TAAR1: variants seen among roughly 807,000 people sequenced by gnomAD.
TAAR1 encodes trace amine associated receptor 1.
TAAR1 carries 1 observed loss-of-function variant against 1.2 expected under a neutral mutation model. That is an observed-to-expected ratio of 0.81 (90% CI 0.29 to 3.86). The LOEUF is 3.86. TAAR1 is among the 30% of genes most tolerant of loss of function. The pLI is 0.18. For missense variants in TAAR1, 445 were observed against 405.6 expected (o/e 1.10, Z -0.83); for synonymous variants, 153 against 132.2 (o/e 1.16, Z -1.08).
chr6:132,648,584 T>G (rs994379633), intron 1 of TAAR1, among the ~76,000 whole-genome samples: 1 of 152,200 alleles, frequency 6.6e-6, no homozygotes, highest in African/African-American at 2.4e-5. Context: ...AAATTGTTGA[T>G]AGTATGAATG....
rs61478661 is a variant in TAAR1 at position 132,644,612 on chromosome 6, G to A, written c.*372C>T. The stretch of plus-strand genomic sequence containing the variant: ...ACATATGTGACCAGGACATGTATAC[G>A]TATATGACAAAATCATTCTGATTTG... On this transcript the variant is annotated 3_prime_UTR_variant, in exon 2 of 2. Coordinates refer to ENST00000275216, the MANE Select transcript of TAAR1 (RefSeq NM_138327.4). Among the ~76,000 whole-genome samples, 13,511 of 151,954 alleles carry A rather than the reference G, an allele frequency of 0.089. 662 individuals are homozygous for A. Among genetic ancestry groups the A allele is most frequent in the Middle Eastern group, 0.19 (55 of 292 alleles).
chr6:132,654,531 A>G (rs1247075519), intron 1 of TAAR1, among the ~76,000 whole-genome samples: 2 of 152,242 alleles, frequency 1.3e-5, no homozygotes, highest in East Asian at 3.8e-4. Flanking sequence ...TCTCAGGAAC[A>G]CTGTATCTTT....
chr6:132,650,256 C>T (rs928287372), intron 1 of TAAR1, among the ~76,000 whole-genome samples: 3 of 152,186 alleles, frequency 2.0e-5, no homozygotes, highest in African/African-American at 7.2e-5. Context: ...CACCTTTCCA[C>T]TGTCCTTCAT....
Position 132,645,158 on chromosome 6 carries a change from T to C in TAAR1, c.846A>G (p.Pro282=). 1 of 1,612,566 alleles carries C rather than the reference T, an allele frequency of 6.2e-7. No homozygotes were observed. The highest frequency in any genetic ancestry group is 8.5e-7 in the Non-Finnish European group (1 of 1,179,470). The change falls in exon 2 of 2, where the codon CCA becomes CCG. Residue 282 remains proline (P), a synonymous_variant. Coordinates refer to ENST00000275216, the MANE Select transcript of TAAR1 (RefSeq NM_138327.4). ...AAATCAATACATCATTCAAAGTAGGTGGAATAATGTAGTGAAGAAAAGGGT... is the reference window on the plus strand; with the variant it reads ...AAATCAATACATCATTCAAAGTAGGCGGAATAATGTAGTGAAGAAAAGGGT... The part of the protein sequence containing the change: ...VMDPFLHYII[P]PTLNDVLIWF...
In TAAR1 at chr6:132,643,959, A is replaced by G. The variant is rs1011612298; in HGVS notation, c.*1025T>C. 6.6e-6 allele frequency among the ~76,000 whole-genome samples: 1 copy of G among 151,966 alleles called. No homozygotes were observed. The highest frequency in any genetic ancestry group is 2.4e-5 in the African/African-American group (1 of 41,428). Reference sequence around the variant, plus strand: ...TTCTGTGTATTGTGGAGCCCAGCAAAGTGAATTTGTTTAATACCAGGTAGC... The same window carrying G: ...TTCTGTGTATTGTGGAGCCCAGCAAGGTGAATTTGTTTAATACCAGGTAGC... On this transcript the variant is annotated 3_prime_UTR_variant, in exon 2 of 2. Transcript: ENST00000275216.
intron 1 of TAAR1, among the ~76,000 whole-genome samples, chr6:132,647,304 T>C (rs1350759044): frequency 6.6e-6 from 1 of 151,728 alleles, no homozygotes; most frequent in Non-Finnish European, 1.5e-5. Flanking sequence ...TGTTTCTATA[T>C]GACCCTGTAA....
chr6:132,653,056 C>G (rs76803831), intron 1 of TAAR1, among the ~76,000 whole-genome samples: 1 of 152,164 alleles, frequency 6.6e-6, no homozygotes, highest in African/African-American at 2.4e-5. Context: ...CTAGGGGAGG[C>G]GGCAGTTGTG....
intron 1 of TAAR1, among the ~76,000 whole-genome samples, chr6:132,654,965 C>A (rs1344118420): frequency 6.6e-6 from 1 of 152,164 alleles, no homozygotes; most frequent in Non-Finnish European, 1.5e-5. Flanking sequence ...GTAAATAGAT[C>A]TGCAGGTGAG....
intron 1 of TAAR1, among the ~76,000 whole-genome samples, chr6:132,647,552 A>AAAAG (rs201430781): frequency 0.058 from 7,926 of 135,688 alleles, 327 homozygotes; most frequent in East Asian, 0.12. Flanking sequence ...GAAGAAAGAA[A>AAAAG]AAAGAAAGGA....
In TAAR1 at chr6:132,645,078, G is replaced by A; in HGVS notation, c.926C>T (p.Pro309Leu). The A allele has an allele frequency of 6.2e-7, 1 of 1,610,940 alleles. No homozygotes were observed. Among genetic ancestry groups the A allele is most frequent in the Non-Finnish European group, 8.5e-7 (1 of 1,179,062 alleles). ...FNPMVYAFFY[P>L]WFRKALKMML... ...CATCTTCAGTGCTTTTCTAAACCAAGGATAGAAAAATGCATAAACCATTGG... is the reference window on the plus strand; with the variant it reads ...CATCTTCAGTGCTTTTCTAAACCAAAGATAGAAAAATGCATAAACCATTGG... The change falls in exon 2 of 2, where the codon CCT (proline) becomes CTT (leucine). Residue 309 changes from proline (P) to leucine (L), a missense_variant. Coordinates refer to ENST00000275216, the MANE Select transcript of TAAR1 (RefSeq NM_138327.4).
At chr6:132,649,550 T>G (rs566691474) in intron 1 of TAAR1, among the ~76,000 whole-genome samples, 37 of 152,120 alleles carry the variant, frequency 2.4e-4, no homozygotes, top group African/African-American at 8.4e-4. Flanking sequence ...AGGAAAGAGG[T>G]TTAATTGACT....
At chr6:132,647,634 AAGAAAG>A in intron 1 of TAAR1, among the ~76,000 whole-genome samples, 1 of 109,568 alleles carries the variant, frequency 9.1e-6, no homozygotes, top group South Asian at 2.7e-4. Context: ...GAAAGAAAGA[AAGAAAG>A]AAAGAAAGAA....
chr6:132,645,945 T>C lies in TAAR1; in HGVS notation c.59A>G (p.Asn20Ser), dbSNP rs780149136. The C allele has an allele frequency of 3.1e-6, 5 of 1,611,806 alleles. No homozygotes were observed. Among genetic ancestry groups the C allele is most frequent in the Non-Finnish European group, 3.4e-6 (4 of 1,178,614 alleles). ...ACTGTACAGGGAAGCACGGACATCA[T>C]TTGACCAGTTGTTTTTCACACAGGA... ...NISCVKNNWS[N>S]DVRASLYSLM... is the part of the protein sequence containing the mutation. Residue 20 changes from asparagine (N) to serine (S), a missense_variant, in exon 2 of 2, where the codon AAT becomes AGT. Asn to Ser is a conservative substitution (Grantham distance 46). Transcript: ENST00000275216.
In TAAR1 at chr6:132,645,289, T is replaced by G; in HGVS notation, c.715A>C (p.Asn239His). ...QKLQIGLEMK[N>H]GISQSKERKA... ...CTTTCTTTGCTTTGTGAAATTCCAT[T>G]TTTCATTTCCAATCCAATTTGGAGC... Residue 239 changes from asparagine (N) to histidine (H), a missense_variant, in exon 2 of 2, where the codon AAT (asparagine) becomes CAT (histidine). Physicochemically the swap from Asn to His is moderately conservative, Grantham distance 68. Transcript: ENST00000275216. 1 of 1,613,726 alleles carries G rather than the reference T, an allele frequency of 6.2e-7. No homozygotes were observed. The highest frequency in any genetic ancestry group is 2.2e-5 in the East Asian group (1 of 44,858).
intron 1 of TAAR1, among the ~76,000 whole-genome samples, chr6:132,648,413 C>T (rs1239822221): frequency 6.6e-6 from 1 of 152,172 alleles, no homozygotes; most frequent in Non-Finnish European, 1.5e-5. Flanking sequence ...ATACAAATTT[C>T]ACTTTTAGAA....
chr6:132,644,145 G>C lies in TAAR1; in HGVS notation c.*839C>G, dbSNP rs1312076396. Among the ~76,000 whole-genome samples the C allele has an allele frequency of 6.6e-6, 1 of 151,832 alleles. No individual in the cohort carries two copies. Among genetic ancestry groups the C allele is most frequent in the African/African-American group, 2.4e-5 (1 of 41,380 alleles). On this transcript the variant is annotated 3_prime_UTR_variant, in exon 2 of 2. Transcript: ENST00000275216. ...CAACTGGAATTAACAATAGGGAATG[G>C]TTAAAAATATATTTGTACATCTGTG...
rs756203451 is a variant in TAAR1 at position 132,645,191 on chromosome 6, T to C, written c.813A>G (p.Thr271=). ...TGTAGTGAAGAAAAGGGTCCATGAC[T>C]GTACAGATAAAGAAAGGGCACCAGC... The part of the protein sequence containing the change: ...LICWCPFFIC[T]VMDPFLHYII... The change falls in exon 2 of 2, where the codon ACA becomes ACG. Residue 271 remains threonine, a synonymous_variant. Coordinates refer to ENST00000275216, the MANE Select transcript of TAAR1 (RefSeq NM_138327.4). 3 of 1,613,318 alleles carry C rather than the reference T, an allele frequency of 1.9e-6. No individual in the cohort carries two copies. The highest frequency in any genetic ancestry group is 2.2e-5 in the East Asian group (1 of 44,846).
rs143982225 is a variant in TAAR1 at position 132,645,380 on chromosome 6, A to G, written c.624T>C (p.Cys208=). The change falls in exon 2 of 2, where the codon TGT becomes TGC. Residue 208 remains cysteine (C), a synonymous_variant. Coordinates refer to ENST00000275216, the MANE Select transcript of TAAR1 (RefSeq NM_138327.4). ...CGATAAGATATATTCTGTAATAGACACATAACATAATAGATCCAGGTATAT... is the reference window on the plus strand; with the variant it reads ...CGATAAGATATATTCTGTAATAGACGCATAACATAATAGATCCAGGTATAT... The part of the protein sequence containing the change: ...SFYIPGSIML[C]VYYRIYLIAK... The G allele has an allele frequency of 4.8e-5, 77 of 1,613,420 alleles. No individual in the cohort carries two copies. Among genetic ancestry groups the G allele is most frequent in the Admixed American group, 3.3e-4 (20 of 59,870 alleles).
intron 1 of TAAR1, among the ~76,000 whole-genome samples, chr6:132,647,362 GCACACACACACACA>G (rs55908881): frequency 1.4e-4 from 19 of 140,694 alleles, no homozygotes; most frequent in South Asian, 6.8e-4. Context: ...ACATACGCAT[GCACACACACACACA>G]CACACACACA....
Sources: allele counts gnomAD v4.1 joint callset (sites outside exome capture counted in the v4.1 genomes callset), GRCh38; gene constraint gnomAD v4.1.1; transcripts MANE v1.5; gene names NCBI Gene and HGNC (gene_info 2026-07-23, HGNC 2026-07-21).